USH2A: variants seen among roughly 807,000 people sequenced by gnomAD.
USH2A encodes usherin, also known as Usher syndrome 2A (autosomal recessive, mild).
Under a neutral mutation model 538.9 loss-of-function variants are expected in USH2A, and 443 were observed. That is an observed-to-expected ratio of 0.82 (90% CI 0.76 to 0.89). The LOEUF is 0.89. Among genes scored for constraint, USH2A ranks in the 40% least tolerant of loss-of-function variants. USH2A has a pLI of 0.00. For missense variants in USH2A, 6,633 were observed against 6,324.8 expected (o/e 1.05, Z -1.65); for synonymous variants, 2,413 against 2,273.5 (o/e 1.06, Z -1.75).
intron 60 of USH2A, among the ~76,000 whole-genome samples, chr1:215,730,881 C>A (rs1420028124): frequency 6.6e-6 from 1 of 152,174 alleles, no homozygotes; most frequent in African/African-American, 2.4e-5. Context: ...GTACTTGCTA[C>A]AGATATCAGG....
At chr1:215,689,545 T>C (rs1464381603) in intron 61 of USH2A, among the ~76,000 whole-genome samples, 3 of 152,100 alleles carry the variant, frequency 2.0e-5, no homozygotes, top group African/African-American at 7.2e-5. Context: ...TAATAGAAAA[T>C]GGCAAAACTC....
At chr1:216,097,042 T>A in intron 22 of USH2A, 41 bp downstream of exon 22, 1 of 1,573,600 alleles carries the variant, frequency 6.4e-7, no homozygotes, top group Non-Finnish European at 8.7e-7. Flanking sequence ...AGGCACCTAC[T>A]AAATTCTTAA....
intron 37 of USH2A, among the ~76,000 whole-genome samples, chr1:215,959,516 T>A (rs1667146914): frequency 6.6e-6 from 1 of 152,114 alleles, no homozygotes; most frequent in Non-Finnish European, 1.5e-5. Flanking sequence ...CCTCTCCACA[T>A]TCAGAAAGAG....
At chr1:215,892,614 G>A (rs956347137) in intron 40 of USH2A, among the ~76,000 whole-genome samples, 2 of 151,910 alleles carry the variant, frequency 1.3e-5, no homozygotes, top group Non-Finnish European at 2.9e-5. Context: ...ATTTTTGACA[G>A]CTCATAATAA....
intron 21 of USH2A, among the ~76,000 whole-genome samples, chr1:216,159,555 C>CACAT (rs2034012714): frequency 1.3e-5 from 2 of 151,140 alleles, no homozygotes; most frequent in African/African-American, 4.8e-5. Context: ...CACACACACA[C>CACAT]ACACACACAC....
intron 11 of USH2A, among the ~76,000 whole-genome samples, chr1:216,273,215 T>A (rs915855245): frequency 6.6e-6 from 1 of 152,152 alleles, no homozygotes; most frequent in Non-Finnish European, 1.5e-5. Context: ...TAAAGTTCAG[T>A]GAGCCAATTT....
intron 30 of USH2A, among the ~76,000 whole-genome samples, chr1:216,052,978 T>TA (rs2030846092): frequency 6.6e-6 from 1 of 152,228 alleles, no homozygotes; most frequent in Non-Finnish European, 1.5e-5. Context: ...AATACAGTGT[T>TA]ACTCTGAAGA....
chr1:216,300,928 T>A (rs2037203564), intron 9 of USH2A, among the ~76,000 whole-genome samples: 1 of 151,916 alleles, frequency 6.6e-6, no homozygotes, highest in Non-Finnish European at 1.5e-5. Context: ...TTTGTATTTT[T>A]TGGTAGAGAC....
At chr1:215,776,174 T>C (rs1207980622) in intron 55 of USH2A, among the ~76,000 whole-genome samples, 1 of 152,198 alleles carries the variant, frequency 6.6e-6, no homozygotes, top group African/African-American at 2.4e-5. Flanking sequence ...ATGTGTTTAG[T>C]AATAAATGAT....
At chr1:215,939,685 T>G (rs1429991984) in intron 37 of USH2A, among the ~76,000 whole-genome samples, 1 of 152,138 alleles carries the variant, frequency 6.6e-6, no homozygotes. Flanking sequence ...GTTCTCTAGA[T>G]TGGAATAACA....
intron 16 of USH2A, among the ~76,000 whole-genome samples, chr1:216,202,439 G>T (rs1329906807): frequency 2.6e-5 from 4 of 152,044 alleles, no homozygotes; most frequent in Non-Finnish European, 1.5e-5. Flanking sequence ...CATTTGAAAG[G>T]GTATGAATAG....
intron 21 of USH2A, among the ~76,000 whole-genome samples, chr1:216,165,705 G>A (rs570035238): frequency 1.9e-4 from 29 of 151,788 alleles, no homozygotes; most frequent in Non-Finnish European, 3.7e-4. Context: ...TATTTATTGA[G>A]TATCTGGTAA....
chr1:216,112,886 T>C (rs183435854), intron 21 of USH2A, among the ~76,000 whole-genome samples: 1 of 152,206 alleles, frequency 6.6e-6, no homozygotes, highest in East Asian at 1.9e-4. Flanking sequence ...TCTATGTCTT[T>C]GCTATTGTAA....
chr1:215,796,526 G>A lies in USH2A; in HGVS notation c.9958+2381C>T, dbSNP rs144662800. The stretch of plus-strand genomic sequence containing the variant: ...GTCATGAACCTTGCCCATATAAGAC[G>A]GAAAGCTTAGTTGATGAGCGTCCTG... On this transcript the variant is annotated intron_variant, in intron 50 of 71. Coordinates refer to ENST00000307340, the MANE Select transcript of USH2A (RefSeq NM_206933.4). Among the ~76,000 whole-genome samples, 703 of 151,906 alleles carry A rather than the reference G, an allele frequency of 4.6e-3. 5 individuals are homozygous for A. Among genetic ancestry groups the A allele is most frequent in the African/African-American group, 0.016 (666 of 41,436 alleles).
intron 58 of USH2A, among the ~76,000 whole-genome samples, chr1:215,754,346 A>G (rs996227719): frequency 2.0e-5 from 3 of 152,152 alleles, no homozygotes. Flanking sequence ...TAGGACTTAT[A>G]AACATGTACT....
chr1:215,860,756 T>C (rs912199489), intron 44 of USH2A, among the ~76,000 whole-genome samples: 1 of 152,214 alleles, frequency 6.6e-6, no homozygotes, highest in Non-Finnish European at 1.5e-5. Context: ...AGTAAATCAT[T>C]TCATTTATTA....
intron 32 of USH2A, among the ~76,000 whole-genome samples, chr1:216,033,953 T>C (rs1457768757): frequency 3.3e-5 from 5 of 152,178 alleles, no homozygotes; most frequent in Admixed American, 1.3e-4. Context: ...TTCCCAAAGA[T>C]AAAAAACTCA....
intron 21 of USH2A, chr1:216,173,932 T>C (rs950639530): frequency 1.0e-6 from 1 of 967,040 alleles, no homozygotes; most frequent in Non-Finnish European, 1.2e-6. Flanking sequence ...TTTCCTTACC[T>C]TTTTTTTCTT....
intron 44 of USH2A, among the ~76,000 whole-genome samples, chr1:215,863,832 A>G (rs1664394627): frequency 6.6e-6 from 1 of 152,164 alleles, no homozygotes; most frequent in South Asian, 2.1e-4. Flanking sequence ...AAAAGGAAAT[A>G]GAGAAAGAAG....
Sources: allele counts gnomAD v4.1 joint callset (sites outside exome capture counted in the v4.1 genomes callset), GRCh38; gene constraint gnomAD v4.1.1; transcripts MANE v1.5; gene names NCBI Gene and HGNC (gene_info 2026-07-23, HGNC 2026-07-21).